The following FBXW4 variants were observed in gnomAD, a reference collection of about 807,000 sequenced individuals.
The protein encoded by FBXW4 is F-box/WD repeat-containing protein 4.
FBXW4 carries 40 observed loss-of-function variants against 61.8 expected under a neutral mutation model. That is an observed-to-expected ratio of 0.65 (90% CI 0.50 to 0.84). The LOEUF (loss-of-function observed/expected upper bound fraction) is 0.84. Ranked by LOEUF, FBXW4 falls within the 40% of genes least tolerant of loss-of-function variation. The probability of loss-of-function intolerance (pLI) is 0.00; values close to 1 mark genes in which losing one functional copy is unlikely to be tolerated. For missense variants in FBXW4, 672 were observed against 753.8 expected, an observed-to-expected ratio of 0.89 and a Z score of 1.27; for synonymous variants, 311 against 313.8, an observed-to-expected ratio of 0.99 and a Z score of 0.10.
At chr10:101,659,316 G>A (rs1477380575) in intron 5 of FBXW4, 2 of 881,626 alleles carry the variant, frequency 2.3e-6, no homozygotes, top group East Asian at 1.2e-4. Context: ...CTTGAACCCT[G>A]CAGATAAGTC....
At chr10:101,627,510 T>A (rs766400946) in intron 5 of FBXW4, among the ~76,000 whole-genome samples, 15 of 152,154 alleles carry the variant, frequency 9.9e-5, no homozygotes, top group Non-Finnish European at 1.9e-4. Flanking sequence ...CCCCACTACC[T>A]GCAGCCATTC....
intron 5 of FBXW4, among the ~76,000 whole-genome samples, chr10:101,634,848 C>G (rs2063987974): frequency 6.7e-6 from 1 of 149,220 alleles, no homozygotes; most frequent in Non-Finnish European, 1.5e-5. Flanking sequence ...AAGATAAACA[C>G]AAAATTCTGA....
At chr10:101,681,500 G>A (rs1450679787) in intron 1 of FBXW4, among the ~76,000 whole-genome samples, 1 of 150,788 alleles carries the variant, frequency 6.6e-6, no homozygotes, top group Non-Finnish European at 1.5e-5. Context: ...GGCGGATCAC[G>A]AGGTCAGGAG....
At chr10:101,690,831 C>CAT (rs1434125720) in intron 1 of FBXW4, among the ~76,000 whole-genome samples, 8 of 152,138 alleles carry the variant, frequency 5.3e-5, no homozygotes, top group Non-Finnish European at 1.2e-4. Flanking sequence ...AAGCACAGTG[C>CAT]GTGTGTGTGC....
intron 5 of FBXW4, among the ~76,000 whole-genome samples, chr10:101,632,539 C>G (rs554820476): frequency 2.0e-5 from 3 of 152,024 alleles, no homozygotes; most frequent in Non-Finnish European, 4.4e-5. Context: ...TTCTGATTCA[C>G]TCAAGAATCA....
At chr10:101,658,986 T>C (rs1190121581) in intron 5 of FBXW4, among the ~76,000 whole-genome samples, 1 of 151,920 alleles carries the variant, frequency 6.6e-6, no homozygotes, top group East Asian at 1.9e-4. Context: ...AAGTTTCCGC[T>C]CTACCATCAG....
intron 1 of FBXW4, among the ~76,000 whole-genome samples, chr10:101,681,897 A>C (rs2064482159): frequency 6.6e-6 from 1 of 152,084 alleles, no homozygotes; most frequent in African/African-American, 2.4e-5. Context: ...AAAGCACAGA[A>C]GGCAGACTTA....
At chr10:101,649,539 C>T (rs534753095) in intron 5 of FBXW4, among the ~76,000 whole-genome samples, 14 of 152,250 alleles carry the variant, frequency 9.2e-5, no homozygotes, top group Admixed American at 8.5e-4. Flanking sequence ...TGCCTATTTC[C>T]CAATGAAAGA....
At chr10:101,680,183 A>T (rs961759024) in intron 1 of FBXW4, among the ~76,000 whole-genome samples, 1 of 152,252 alleles carries the variant, frequency 6.6e-6, no homozygotes, top group African/African-American at 2.4e-5. Context: ...TTGCCATCTC[A>T]TACCACAATA....
intron 5 of FBXW4, among the ~76,000 whole-genome samples, chr10:101,659,851 CA>C (rs2064225948): frequency 6.6e-6 from 1 of 152,170 alleles, no homozygotes; most frequent in African/African-American, 2.4e-5. Flanking sequence ...ACTGTAATTA[CA>C]AATTCTCAGA....
chr10:101,693,065 A>G (rs376243805), intron 1 of FBXW4, among the ~76,000 whole-genome samples: 1 of 152,334 alleles, frequency 6.6e-6, no homozygotes, highest in East Asian at 1.9e-4. Flanking sequence ...TGAAACAAAC[A>G]CATGGGAATA....
intron 5 of FBXW4, among the ~76,000 whole-genome samples, chr10:101,647,430 G>A (rs1564913217): frequency 6.6e-6 from 1 of 152,126 alleles, no homozygotes; most frequent in Admixed American, 6.5e-5. Context: ...CTAAAGCCTG[G>A]GAATCCCTTC....
At chr10:101,664,933 A>G (rs1423016264) in intron 5 of FBXW4, among the ~76,000 whole-genome samples, 1 of 152,196 alleles carries the variant, frequency 6.6e-6, no homozygotes, top group Non-Finnish European at 1.5e-5. Context: ...TGTAAAGGAA[A>G]TAGTATTCAT....
chr10:101,621,890 T>C (rs2063869346), intron 6 of FBXW4, among the ~76,000 whole-genome samples: 2 of 152,184 alleles, frequency 1.3e-5, no homozygotes, highest in Non-Finnish European at 2.9e-5. Flanking sequence ...AAGTCTGTTC[T>C]TCAGGAGAGA....
intron 2 of FBXW4, among the ~76,000 whole-genome samples, chr10:101,675,554 G>A (rs1204734886): frequency 6.6e-6 from 1 of 152,106 alleles, no homozygotes; most frequent in African/African-American, 2.4e-5. Context: ...ATTATTCACA[G>A]TATCTGATGC....
chr10:101,651,381 T>C (rs978026334), intron 5 of FBXW4, among the ~76,000 whole-genome samples: 1 of 152,000 alleles, frequency 6.6e-6, no homozygotes, highest in Admixed American at 6.6e-5. Flanking sequence ...ACAGGATACA[T>C]TTCAAAGTTT....
intron 5 of FBXW4, among the ~76,000 whole-genome samples, chr10:101,633,058 T>A (rs539283336): frequency 2.7e-3 from 407 of 152,330 alleles, no homozygotes; most frequent in Non-Finnish European, 4.0e-3. Flanking sequence ...CTAGTAATCA[T>A]GTGATCCAGA....
chr10:101,680,001 C>T (rs2064456440), intron 1 of FBXW4, among the ~76,000 whole-genome samples: 1 of 152,146 alleles, frequency 6.6e-6, no homozygotes, highest in African/African-American at 2.4e-5. Flanking sequence ...GGTTTTCACT[C>T]CTGCATTACT....
In FBXW4 at chr10:101,694,590, C is replaced by T. The variant is rs1157211521; in HGVS notation, c.516G>A (p.Glu172=). Residue 172 remains glutamate (E), a synonymous_variant, in exon 1 of 9, where the codon GAG becomes GAA. Coordinates refer to ENST00000331272, the MANE Select transcript of FBXW4 (RefSeq NM_022039.4). This position sits in a 1 kb window ranked among gnomAD's most constrained non-coding sequence, Gnocchi z 6.0. ...EEEEEEEAAR[E]SAARPAAGPA... ...GCCCCGCGGCCGGGCGGGCAGCCGA[C>T]TCCCGAGCCGCCTCCTCCTCCTCCT... The T allele has an allele frequency of 8.9e-6, 13 of 1,454,926 alleles. No individual in the cohort carries two copies. In the African/African-American group the frequency reaches 1.6e-4, roughly 18 times the overall value. The allele number at this position is 1,454,926 out of a possible 1,614,324, so 90.1% of individuals were successfully genotyped here.
Sources: allele counts gnomAD v4.1 joint callset (sites outside exome capture counted in the v4.1 genomes callset), GRCh38; gene constraint gnomAD v4.1.1; non-coding constraint Gnocchi (gnomAD v3.1); transcripts MANE v1.5; gene names NCBI Gene and HGNC (gene_info 2026-07-23, HGNC 2026-07-21).